GABRB1: variants seen among roughly 807,000 people sequenced by gnomAD.
GABRB1 encodes the protein gamma-aminobutyric acid receptor subunit beta-1.
In GABRB1, 17 loss-of-function variants were observed where a neutral mutation model predicts 51.6. The observed-to-expected ratio is 0.33, with a 90% CI of 0.23 to 0.49. The LOEUF (loss-of-function observed/expected upper bound fraction) is 0.49. Among genes scored for constraint, GABRB1 ranks in the 20% least tolerant of loss-of-function variants. The pLI is 0.99. For synonymous variants in GABRB1, 247 were observed against 218.9 expected, an observed-to-expected ratio of 1.13 and a Z score of -1.14; for missense variants, 410 against 600.6, an observed-to-expected ratio of 0.68 and a Z score of 3.32.
chr4:46,998,732 T>TAAAA lies in GABRB1; in HGVS notation c.-20+4826_-20+4829dup, dbSNP rs1031492003. ...CTGGGCCACTGAGCAAGACTCTGTC[T>TAAAA]AAAAAAAAAAAAAAAAAAAAAAAGT... On this transcript the variant is annotated intron_variant, in intron 1 of 3. Transcript: ENST00000513567. Among the ~76,000 whole-genome samples, 419 of 66,400 alleles carry TAAAA rather than the reference T, an allele frequency of 6.3e-3. 9 individuals carry two copies. Among genetic ancestry groups the TAAAA allele is most frequent in the African/African-American group, 0.022 (382 of 17,218 alleles). 43.6% of individuals were successfully genotyped at this position (66,400 alleles called of 152,430 possible).
chr4:47,074,563 T>G (rs1560522056), intron 3 of GABRB1, among the ~76,000 whole-genome samples: 4 of 152,176 alleles, frequency 2.6e-5, no homozygotes. Flanking sequence ...GGATATAAAG[T>G]GCTTAGCATG....
At chr4:47,181,288 T>C (rs578136420) in intron 4 of GABRB1, among the ~76,000 whole-genome samples, 1 of 152,200 alleles carries the variant, frequency 6.6e-6, no homozygotes, top group East Asian at 1.9e-4. Context: ...GCTTCAGTTA[T>C]ATCCGTTATT....
At chr4:47,365,275 C>T (rs142425014) in intron 5 of GABRB1, among the ~76,000 whole-genome samples, 7 of 152,306 alleles carry the variant, frequency 4.6e-5, no homozygotes, top group African/African-American at 1.7e-4. Flanking sequence ...ATACAGTGAA[C>T]CCTAGGCAAA....
chr4:47,384,009 T>C (rs1173552649), intron 5 of GABRB1, among the ~76,000 whole-genome samples: 2 of 152,162 alleles, frequency 1.3e-5, no homozygotes, highest in African/African-American at 2.4e-5. Flanking sequence ...CCTATGAATC[T>C]GGAAGATCTT....
At chr4:47,246,103 A>T (rs1721728327) in intron 4 of GABRB1, among the ~76,000 whole-genome samples, 1 of 148,900 alleles carries the variant, frequency 6.7e-6, no homozygotes, top group African/African-American at 2.5e-5. Context: ...AGTCCATTGT[A>T]TCATTCTTAT....
At chr4:47,231,685 A>G (rs761332788) in intron 4 of GABRB1, among the ~76,000 whole-genome samples, 4 of 152,214 alleles carry the variant, frequency 2.6e-5, no homozygotes, top group African/African-American at 4.8e-5. Flanking sequence ...AAATCATTGC[A>G]AGCTCTTTGA....
intron 3 of GABRB1, among the ~76,000 whole-genome samples, chr4:47,082,391 G>A (rs1452290208): frequency 1.3e-5 from 2 of 151,964 alleles, no homozygotes; most frequent in Admixed American, 1.3e-4. Context: ...GAGAAAATCA[G>A]AAATGAATAG....
At chr4:47,154,041 T>TA (rs1296095167) in intron 3 of GABRB1, among the ~76,000 whole-genome samples, 6 of 152,078 alleles carry the variant, frequency 3.9e-5, no homozygotes, top group Non-Finnish European at 8.8e-5. Flanking sequence ...GATGTAAAGA[T>TA]AAAAGATTAG....
At chr4:47,174,057 T>C (rs1011352635) in intron 4 of GABRB1, among the ~76,000 whole-genome samples, 1 of 152,080 alleles carries the variant, frequency 6.6e-6, no homozygotes, top group Admixed American at 6.6e-5. Flanking sequence ...GTTTTTTTTG[T>C]TCCCTTTTCT....
At chr4:47,118,617 G>A (rs576900643) in intron 3 of GABRB1, among the ~76,000 whole-genome samples, 27 of 152,104 alleles carry the variant, frequency 1.8e-4, no homozygotes, top group Non-Finnish European at 3.5e-4. Flanking sequence ...TGTGACCGCG[G>A]ATGAAATACT....
intron 4 of GABRB1, among the ~76,000 whole-genome samples, chr4:47,257,993 TTAAAC>T (rs1722280635): frequency 6.6e-6 from 1 of 152,104 alleles, no homozygotes. Context: ...TTGAGGCTGT[TTAAAC>T]TAACAAACTT....
At chr4:47,094,145 A>T (rs1313674116) in intron 3 of GABRB1, among the ~76,000 whole-genome samples, 1 of 152,064 alleles carries the variant, frequency 6.6e-6, no homozygotes, top group Non-Finnish European at 1.5e-5. Flanking sequence ...ATTGGAAAAA[A>T]CGGTAGGGAA....
intron 3 of GABRB1, among the ~76,000 whole-genome samples, chr4:47,081,513 A>G (rs1205593423): frequency 6.6e-6 from 1 of 152,198 alleles, no homozygotes; most frequent in Non-Finnish European, 1.5e-5. Flanking sequence ...TGTGCAATAT[A>G]TCCTTTCTCT....
At chr4:47,412,793 G>A (rs1728800083) in intron 8 of GABRB1, among the ~76,000 whole-genome samples, 2 of 152,260 alleles carry the variant, frequency 1.3e-5, no homozygotes, top group South Asian at 4.1e-4. Flanking sequence ...CTGAATAAGA[G>A]GAGGTAGTGT....
At chr4:47,343,838 A>G (rs1725990626) in intron 5 of GABRB1, among the ~76,000 whole-genome samples, 1 of 152,228 alleles carries the variant, frequency 6.6e-6, no homozygotes, top group South Asian at 2.1e-4. Flanking sequence ...ATGAAGTAAG[A>G]AGTATCACTG....
chr4:47,340,803 G>GA (rs201821788), intron 5 of GABRB1, among the ~76,000 whole-genome samples: 1 of 151,920 alleles, frequency 6.6e-6, no homozygotes, highest in Non-Finnish European at 1.5e-5. Context: ...AGGAGATTCT[G>GA]AAAAAAAATT....
chr4:47,263,557 T>G lies in GABRB1; in HGVS notation c.462-56570T>G, dbSNP rs532903769. ...ACTGGGATTTTTAGAGAATGCTGGT[T>G]AAACACAGAGGAGTGAATACATGAG... On this transcript the variant is annotated intron_variant, in intron 4 of 8. Transcript: ENST00000295454. 1.6e-4 allele frequency among the ~76,000 whole-genome samples: 24 copies of G among 152,284 alleles called. 1 individual carries two copies. Among genetic ancestry groups the G allele is most frequent in the Admixed American group, 1.5e-3 (23 of 15,280 alleles).
At chr4:47,355,260 C>A (rs1349304525) in intron 5 of GABRB1, among the ~76,000 whole-genome samples, 1 of 152,006 alleles carries the variant, frequency 6.6e-6, no homozygotes, top group Non-Finnish European at 1.5e-5. Context: ...GGATTACTGG[C>A]GTGAGCCACC....
rs546740709 is a variant in GABRB1, at chr4:47,227,371, C to T, written c.461+65902C>T. On this transcript the variant is annotated intron_variant, in intron 4 of 8. Coordinates refer to ENST00000295454, the MANE Select transcript of GABRB1 (RefSeq NM_000812.4). ...TGTTTATTCTGTTTCATATAGTTAA[C>T]CATGTTCTATACAGTTTACATGTCT... Among the ~76,000 whole-genome samples the T allele has an allele frequency of 1.4e-4, 21 of 152,196 alleles. 1 individual carries two copies. In the South Asian group the frequency reaches 3.9e-3, roughly 29 times the overall value.
Sources: gnomAD v4.1 joint callset for allele counts (sites outside exome capture counted in the v4.1 genomes callset) on GRCh38, gnomAD v4.1.1 for gene constraint, MANE v1.5 for transcripts, NCBI Gene and HGNC (gene_info 2026-07-23, HGNC 2026-07-21) for gene names.